Variants in DLC1 observed in about 807,000 individuals in gnomAD.
The protein encoded by DLC1 is rho GTPase-activating protein 7.
In DLC1, 54 loss-of-function variants were observed where a neutral mutation model predicts 140.3. That is an observed-to-expected ratio of 0.38 (90% confidence interval 0.31 to 0.48). The LOEUF is 0.48. Ranked by LOEUF, DLC1 falls within the 20% of genes least tolerant of loss-of-function variation. The probability of loss-of-function intolerance (pLI) is 0.96; values close to 1 mark genes in which losing one functional copy is unlikely to be tolerated. For missense variants in DLC1, 2,536 were observed against 1,907.0 expected, an observed-to-expected ratio of 1.33 and a Z score of -6.14; for synonymous variants, 986 against 728.1, an observed-to-expected ratio of 1.35 and a Z score of -5.70.
At chr8:13,126,111 T>A (rs978516998) in intron 5 of DLC1, among the ~76,000 whole-genome samples, 1 of 152,132 alleles carries the variant, frequency 6.6e-6, no homozygotes, top group Non-Finnish European at 1.5e-5. Flanking sequence ...CAGCTCTGGA[T>A]GAATTTGAGC....
At chr8:13,207,864 C>T (rs894416965) in intron 5 of DLC1, among the ~76,000 whole-genome samples, 2 of 152,108 alleles carry the variant, frequency 1.3e-5, no homozygotes, top group African/African-American at 4.8e-5. Context: ...GGTTGAGAAA[C>T]CATGCTTTAG....
intron 2 of DLC1, among the ~76,000 whole-genome samples, chr8:13,467,558 G>C (rs1039673848): frequency 2.0e-5 from 3 of 151,796 alleles, no homozygotes; most frequent in South Asian, 4.1e-4. Context: ...GTCCATCATA[G>C]AGAGACCCTG....
intron 5 of DLC1, among the ~76,000 whole-genome samples, chr8:13,152,015 A>T (rs1049713837): frequency 2.0e-5 from 3 of 152,158 alleles, no homozygotes; most frequent in Non-Finnish European, 4.4e-5. Flanking sequence ...TTGCTGTGTC[A>T]TATTATGGAT....
At chr8:13,434,696 C>T (rs372985962) in intron 2 of DLC1, among the ~76,000 whole-genome samples, 138 of 152,080 alleles carry the variant, frequency 9.1e-4, no homozygotes, top group African/African-American at 3.2e-3. Flanking sequence ...TAGTATTTTT[C>T]GAGACAGGGT....
intron 5 of DLC1, among the ~76,000 whole-genome samples, chr8:13,173,958 C>G (rs1825629139): frequency 1.3e-5 from 2 of 152,108 alleles, no homozygotes; most frequent in Non-Finnish European, 2.9e-5. Flanking sequence ...ACGATCTCAT[C>G]ACCCAGGTAG....
intron 5 of DLC1, among the ~76,000 whole-genome samples, chr8:13,300,815 A>G (rs1832162063): frequency 1.3e-5 from 2 of 152,244 alleles, no homozygotes; most frequent in South Asian, 2.1e-4. Context: ...AGGAACTGAC[A>G]TGATCAGGTT....
chr8:13,236,803 A>C (rs535610957), intron 5 of DLC1, among the ~76,000 whole-genome samples: 1 of 152,244 alleles, frequency 6.6e-6, no homozygotes, highest in South Asian at 2.1e-4. Context: ...ATATCCATCT[A>C]AAAGGGTGAA....
At chr8:13,271,103 C>G (rs1031043438) in intron 5 of DLC1, among the ~76,000 whole-genome samples, 3 of 152,192 alleles carry the variant, frequency 2.0e-5, no homozygotes, top group African/African-American at 7.2e-5. Flanking sequence ...ACATGTTCCT[C>G]TTTTTATCAA....
At chr8:13,232,871 C>G (rs1401582607) in intron 5 of DLC1, among the ~76,000 whole-genome samples, 2 of 152,146 alleles carry the variant, frequency 1.3e-5, no homozygotes, top group Non-Finnish European at 2.9e-5. Flanking sequence ...TTGATAGATT[C>G]AACTTTTTTT....
chr8:13,578,276 G>C (rs1392180239), intron 1 of DLC1, among the ~76,000 whole-genome samples: 3 of 152,106 alleles, frequency 2.0e-5, no homozygotes, highest in Non-Finnish European at 4.4e-5. Context: ...GTTTCAGTGA[G>C]TCACAGCCAT....
chr8:13,575,457 C>T (rs1288368050), intron 1 of DLC1, among the ~76,000 whole-genome samples: 1 of 151,988 alleles, frequency 6.6e-6, no homozygotes, highest in African/African-American at 2.4e-5. Flanking sequence ...GGGGAGGATT[C>T]CCACATCTGG....
chr8:13,599,679 T>C lies in DLC1; in HGVS notation c.-126+4858A>G, dbSNP rs1805805053. Among the ~76,000 whole-genome samples the C allele has an allele frequency of 2.6e-5, 4 of 152,088 alleles. No homozygotes were observed. The South Asian group carries it at 8.3e-4, about 32-fold the overall frequency. On this transcript the variant is annotated intron_variant, in intron 1 of 1. Transcript: ENST00000631382. ...GTCTAAATAAATGGTCACATATACC[T>C]TGCATATGGATTGGAAGACTCAATA...
chr8:13,457,377 G>C (rs1799441118), intron 2 of DLC1, among the ~76,000 whole-genome samples: 1 of 152,008 alleles, frequency 6.6e-6, no homozygotes, highest in Non-Finnish European at 1.5e-5. Context: ...AAAATCAAAA[G>C]AGATAAAGTT....
intron 5 of DLC1, among the ~76,000 whole-genome samples, chr8:13,266,831 A>G: frequency 6.6e-6 from 1 of 152,320 alleles, no homozygotes; most frequent in Non-Finnish European, 1.5e-5. Flanking sequence ...ACTGAAATAA[A>G]ATTTAGAAGG....
chr8:13,496,819 G>A (rs10096178), intron 2 of DLC1, among the ~76,000 whole-genome samples: 3 of 13,112 alleles, frequency 2.3e-4, no homozygotes, highest in Non-Finnish European at 5.1e-4. Flanking sequence ...TTTTTTTTTT[G>A]AGATGGAGTT....
chr8:13,273,731 A>AGTGTGTGTGTGTGTGG (rs1586051165), intron 5 of DLC1, among the ~76,000 whole-genome samples: 2 of 31,014 alleles, frequency 6.4e-5, no homozygotes, highest in African/African-American at 2.1e-4. Context: ...TGTGTGTGTA[A>AGTGTGTGTGTGTGTGG]GGGGGAAGGG....
intron 1 of DLC1, among the ~76,000 whole-genome samples, chr8:13,574,497 G>A (rs913302975): frequency 6.6e-6 from 1 of 152,018 alleles, no homozygotes; most frequent in Non-Finnish European, 1.5e-5. Flanking sequence ...GAAATAGAAA[G>A]CTCATCAGAT....
intron 4 of DLC1, among the ~76,000 whole-genome samples, chr8:13,345,809 G>A (rs547194319): frequency 6.6e-6 from 1 of 152,148 alleles, no homozygotes; most frequent in East Asian, 1.9e-4. Flanking sequence ...TCCACTCTCT[G>A]TGGCCTCTGA....
chr8:13,217,805 G>T (rs899564174), intron 5 of DLC1, among the ~76,000 whole-genome samples: 1 of 151,474 alleles, frequency 6.6e-6, no homozygotes, highest in South Asian at 2.1e-4. Context: ...GCCACTGCAC[G>T]CCGGCCTGAG....
Sources: gnomAD v4.1 joint callset for allele counts (sites outside exome capture counted in the v4.1 genomes callset) on GRCh38, gnomAD v4.1.1 for gene constraint, MANE v1.5 for transcripts, NCBI Gene and HGNC (gene_info 2026-07-23, HGNC 2026-07-21) for gene names.